The following PLCE1 variants were observed in gnomAD, a reference collection of about 807,000 sequenced individuals.
PLCE1 encodes phospholipase C epsilon 1.
In PLCE1, 119 loss-of-function variants were observed where a neutral mutation model predicts 242.8. The observed-to-expected ratio is 0.49, with a 90% CI of 0.42 to 0.57. The LOEUF (loss-of-function observed/expected upper bound fraction) is 0.57. Among genes scored for constraint, PLCE1 ranks in the 20% least tolerant of loss-of-function variants. The pLI, the probability that PLCE1 is intolerant of heterozygous loss-of-function variation, is 0.00. For synonymous variants in PLCE1, 945 were observed against 1,017.4 expected (o/e 0.93, Z 1.35); for missense variants, 2,441 against 2,788.8 (o/e 0.88, Z 2.81).
chr10:94,176,776 G>A (rs1488429368), intron 4 of PLCE1, among the ~76,000 whole-genome samples: 1 of 152,212 alleles, frequency 6.6e-6, no homozygotes, highest in Non-Finnish European at 1.5e-5. Context: ...CAGTCTGCCA[G>A]AAGCTATGAG....
intron 1 of PLCE1, among the ~76,000 whole-genome samples, chr10:94,001,278 G>A (rs2060925793): frequency 6.6e-6 from 1 of 152,102 alleles, no homozygotes; most frequent in Non-Finnish European, 1.5e-5. Context: ...TCTTAGTAGT[G>A]GCATCACTGC....
chr10:94,024,403 C>T (rs1014336646), intron 1 of PLCE1, among the ~76,000 whole-genome samples: 9 of 152,242 alleles, frequency 5.9e-5, no homozygotes, highest in South Asian at 2.1e-4. Context: ...ATGAAATGTT[C>T]TTCTGAGGAC....
intron 3 of PLCE1, among the ~76,000 whole-genome samples, chr10:94,164,058 G>A (rs1161572049): frequency 2.6e-5 from 4 of 152,118 alleles, no homozygotes; most frequent in African/African-American, 4.8e-5. Context: ...TGGGTAACCC[G>A]ACCTTTCTCT....
intron 8 of PLCE1, among the ~76,000 whole-genome samples, chr10:94,247,325 ATTATAT>A (rs1397893740): frequency 2.0e-5 from 3 of 150,390 alleles, no homozygotes; most frequent in Non-Finnish European, 1.5e-5. Context: ...TTTATTTTGT[ATTATAT>A]TTATATATTG....
chr10:94,179,530 T>A (rs145716202), intron 4 of PLCE1, among the ~76,000 whole-genome samples: 8 of 118,824 alleles, frequency 6.7e-5, no homozygotes, highest in Non-Finnish European at 8.4e-5. Context: ...TTTTTTTTTT[T>A]GACAGGGTCT....
chr10:94,003,006 C>T (rs1295174281), intron 1 of PLCE1, among the ~76,000 whole-genome samples: 1 of 152,144 alleles, frequency 6.6e-6, no homozygotes, highest in African/African-American at 2.4e-5. Context: ...GTCAGTGGTC[C>T]ATAGTGGAGA....
chr10:94,256,577 A>G (rs2051110573), intron 11 of PLCE1, among the ~76,000 whole-genome samples: 1 of 152,178 alleles, frequency 6.6e-6, no homozygotes, highest in Non-Finnish European at 1.5e-5. Context: ...AAGTTACAAA[A>G]ATCAGAATCC....
chr10:94,067,963 C>A (rs1454057142), intron 2 of PLCE1, among the ~76,000 whole-genome samples: 2 of 152,110 alleles, frequency 1.3e-5, no homozygotes, highest in Non-Finnish European at 2.9e-5. Flanking sequence ...TTCTAACCAG[C>A]ACTCCTAAGA....
rs117661361 is a variant in PLCE1 at position 94,168,181 on chromosome 10, G to A, written c.1493-2999G>A. Among the ~76,000 whole-genome samples the A allele has an allele frequency of 1.5e-3, 235 of 152,290 alleles. 2 individuals carry two copies. Among genetic ancestry groups the A allele is most frequent in the Admixed American group, 4.1e-3 (62 of 15,292 alleles). On this transcript the variant is annotated intron_variant, in intron 3 of 32. Transcript: ENST00000371380. ...TTAAATCCATCTTCCAGTGGCCCATGTTGTTAGAGAGCAAGGCCCAGAGGT... is the reference window on the plus strand; with the variant it reads ...TTAAATCCATCTTCCAGTGGCCCATATTGTTAGAGAGCAAGGCCCAGAGGT...
chr10:94,035,859 A>G (rs976974687), intron 2 of PLCE1, among the ~76,000 whole-genome samples: 8 of 152,228 alleles, frequency 5.3e-5, no homozygotes, highest in Non-Finnish European at 1.0e-4. Flanking sequence ...GATCTTAATG[A>G]TATGCTCCTT....
chr10:94,319,864 C>CCTTTTTTTTT (rs1215283955), intron 29 of PLCE1, among the ~76,000 whole-genome samples: 13 of 92,938 alleles, frequency 1.4e-4, no homozygotes, highest in African/African-American at 4.9e-4. Flanking sequence ...CAAAGGTGCT[C>CCTTTTTTTTT]TTTTTTTTTT....
At chr10:94,245,622 G>T (rs2050652513) in intron 7 of PLCE1, among the ~76,000 whole-genome samples, 1 of 152,182 alleles carries the variant, frequency 6.6e-6, no homozygotes, top group Non-Finnish European at 1.5e-5. Context: ...AAGTAGCTGG[G>T]ACTACAGGCA....
intron 4 of PLCE1, among the ~76,000 whole-genome samples, chr10:94,193,321 T>C (rs1411536710): frequency 1.3e-5 from 2 of 152,168 alleles, no homozygotes; most frequent in Admixed American, 6.5e-5. Flanking sequence ...GTAATGCCTA[T>C]TGGAGAAGAC....
intron 15 of PLCE1, 28 bp from the exon 16 acceptor site, chr10:94,265,765 C>A: frequency 6.2e-7 from 1 of 1,613,600 alleles, no homozygotes; most frequent in Non-Finnish European, 8.5e-7. Flanking sequence ...TTTTCCCATG[C>A]AGTCTTAAGA....
In PLCE1 at chr10:94,223,233, C is replaced by CAAAA. The variant is rs60764243; in HGVS notation, c.1810-4057_1810-4054dup. Among the ~76,000 whole-genome samples, 46 of 90,874 alleles carry CAAAA rather than the reference C, an allele frequency of 5.1e-4. 4 individuals are homozygous for CAAAA. The highest frequency in any genetic ancestry group is 7.7e-3 in the Middle Eastern group (1 of 130). The allele number at this position is 90,874 out of a possible 152,430, so 59.6% of individuals were successfully genotyped here. Reference sequence around the variant, plus strand: ...GCAACATAGTGATACTCCATCTCTACAAAAAAAAAAAAAAAAAAATTGAAT... The same window carrying CAAAA: ...GCAACATAGTGATACTCCATCTCTACAAAAAAAAAAAAAAAAAAAAAAATTGAAT... On this transcript the variant is annotated intron_variant, in intron 4 of 32. Transcript: ENST00000371380.
At chr10:94,262,428 C>T in intron 13 of PLCE1, 66 bp from the exon 14 acceptor site, 1 of 1,031,174 alleles carries the variant, frequency 9.7e-7, no homozygotes, top group East Asian at 2.4e-5. Context: ...ACACCATTAT[C>T]TCCAAAATGA....
chr10:94,081,767 C>G (rs1475448409), intron 2 of PLCE1, among the ~76,000 whole-genome samples: 1 of 152,166 alleles, frequency 6.6e-6, no homozygotes, highest in Non-Finnish European at 1.5e-5. Flanking sequence ...CAGAATCATA[C>G]AGCTAGGAGG....
chr10:94,213,395 G>A (rs1327955906), intron 4 of PLCE1, among the ~76,000 whole-genome samples: 1 of 152,178 alleles, frequency 6.6e-6, no homozygotes, highest in African/African-American at 2.4e-5. Context: ...TGTACCTGAT[G>A]TTTCCTGGAC....
chr10:94,312,828 C>G (rs2053428469), intron 27 of PLCE1, among the ~76,000 whole-genome samples: 1 of 152,164 alleles, frequency 6.6e-6, no homozygotes, highest in Admixed American at 6.5e-5. Flanking sequence ...CTCTTTCTAA[C>G]AGATATATGT....
Sources: allele counts gnomAD v4.1 joint callset (sites outside exome capture counted in the v4.1 genomes callset), GRCh38; gene constraint gnomAD v4.1.1; transcripts MANE v1.5; gene names NCBI Gene and HGNC (gene_info 2026-07-23, HGNC 2026-07-21).